The following UGP2 variants were observed in gnomAD, a reference collection of about 807,000 sequenced individuals.
UGP2 encodes the protein UTP--glucose-1-phosphate uridylyltransferase.
UGP2 carries 40 observed loss-of-function variants against 49.0 expected under a neutral mutation model. The ratio of observed to expected loss-of-function variants is 0.82; its 90% CI spans 0.63 to 1.06. The LOEUF (loss-of-function observed/expected upper bound fraction) is 1.06. UGP2 is among the 50% of genes least tolerant of loss of function. UGP2 has a pLI of 0.00. For missense variants in UGP2, 460 were observed against 603.5 expected (o/e 0.76, Z 2.49); for synonymous variants, 225 against 213.0 (o/e 1.06, Z -0.49).
chr2:63,857,261 A>G (rs1669504405), intron 2 of UGP2, among the ~76,000 whole-genome samples: 1 of 151,384 alleles, frequency 6.6e-6, no homozygotes, highest in South Asian at 2.1e-4. Context: ...AGATTGCGCC[A>G]CTACACTCTA....
chr2:63,847,590 A>G (rs1672018750), intron 1 of UGP2, among the ~76,000 whole-genome samples: 1 of 152,072 alleles, frequency 6.6e-6, no homozygotes, highest in Non-Finnish European at 1.5e-5. Context: ...GGGTGGGGCC[A>G]TTTTATAGGA....
intron 3 of UGP2, among the ~76,000 whole-genome samples, chr2:63,874,521 G>T (rs773942783): frequency 2.0e-5 from 3 of 152,180 alleles, no homozygotes; most frequent in African/African-American, 7.2e-5. Flanking sequence ...CAGGCAGAAA[G>T]AGGAGGAAAA....
chr2:63,887,684 A>G (rs765689418), intron 8 of UGP2, 40 bp downstream of exon 8: 19 of 1,603,596 alleles, frequency 1.2e-5, no homozygotes, highest in Non-Finnish European at 1.5e-5. Context: ...TATTTCTTAA[A>G]TGTGTAATTA....
At chr2:63,875,228 G>C (rs1670835759) in intron 3 of UGP2, among the ~76,000 whole-genome samples, 1 of 152,210 alleles carries the variant, frequency 6.6e-6, no homozygotes, top group Non-Finnish European at 1.5e-5. Context: ...TACATATGGA[G>C]TGGCATTCCT....
At chr2:63,883,535 A>G (rs1671449476) in intron 4 of UGP2, 1 of 154,574 alleles carries the variant, frequency 6.5e-6, no homozygotes, top group African/African-American at 2.4e-5. Context: ...TCACATTTAT[A>G]CTTTCATCCC....
intron 5 of UGP2, 31 bp from the exon 6 acceptor site, chr2:63,885,558 A>T: frequency 6.7e-7 from 1 of 1,500,720 alleles, no homozygotes. Flanking sequence ...TACAGGGTCA[A>T]TATTGAAAAA....
intron 2 of UGP2, 92 bp from the exon 3 acceptor site, chr2:63,857,737 G>A (rs148803917): frequency 1.1e-5 from 14 of 1,263,756 alleles, no homozygotes; most frequent in East Asian, 2.4e-5. Flanking sequence ...TTCATTTAAC[G>A]ATATTTTAAA....
Position 63,852,019 on chromosome 2 carries a change from G to C in UGP2, c.20-4287G>C, listed in dbSNP as rs1183723490. 2.6e-5 allele frequency among the ~76,000 whole-genome samples: 4 copies of C among 152,122 alleles called. No individual in the cohort carries two copies. The East Asian group carries it at 7.7e-4, about 29-fold the overall frequency. ...AGTGAGGAACACCTTTCTCCAAAGT[G>C]CTGTGACAGATTATACCCTTATGGC... On this transcript the variant is annotated intron_variant, in intron 1 of 9. Coordinates refer to ENST00000337130, the MANE Select transcript of UGP2 (RefSeq NM_006759.4).
chr2:63,848,449 C>T (rs1326321059), intron 1 of UGP2, among the ~76,000 whole-genome samples: 2 of 152,148 alleles, frequency 1.3e-5, no homozygotes, highest in African/African-American at 2.4e-5. Context: ...CCACAACCTC[C>T]GCCTCCCAGG....
intron 4 of UGP2, 119 bp downstream of exon 4, chr2:63,882,770 T>A: frequency 9.0e-7 from 1 of 1,112,020 alleles, no homozygotes; most frequent in Non-Finnish European, 1.2e-6. Context: ...CCTGCTATCT[T>A]TAATCTCTTT....
intron 1 of UGP2, among the ~76,000 whole-genome samples, chr2:63,843,790 C>G (rs914386186): frequency 2.6e-5 from 4 of 152,216 alleles, no homozygotes; most frequent in Non-Finnish European, 4.4e-5. Flanking sequence ...AGGTACATTA[C>G]TGTTAACTAA....
chr2:63,849,164 C>T (rs1668876970), intron 1 of UGP2, among the ~76,000 whole-genome samples: 1 of 152,170 alleles, frequency 6.6e-6, no homozygotes, highest in South Asian at 2.1e-4. Flanking sequence ...AAACAAAAAG[C>T]CATTAATTGT....
chr2:63,884,082 C>A lies in UGP2; in HGVS notation c.564C>A (p.Phe188Leu). ...ATTGTCGTGTGAAAATCTACACTTT[C>A]AATCAAAGCAGGTACAATGAGTAAA... ...YNHCRVKIYT[F>L]NQSRYPRINK... Residue 188 changes from phenylalanine to leucine, a missense_variant, in exon 5 of 10, where the codon TTC becomes TTA. Physicochemically the swap from Phe to Leu is conservative, Grantham distance 22. Coordinates refer to ENST00000337130, the MANE Select transcript of UGP2 (RefSeq NM_006759.4). 2 of 1,612,504 alleles carry A rather than the reference C, an allele frequency of 1.2e-6. No individual in the cohort carries two copies. The highest frequency in any genetic ancestry group is 1.7e-6 in the Non-Finnish European group (2 of 1,179,686).
chr2:63,875,926 C>G (rs187207676), intron 3 of UGP2, among the ~76,000 whole-genome samples: 81 of 152,260 alleles, frequency 5.3e-4, no homozygotes, highest in Non-Finnish European at 6.6e-4. Context: ...GTGATTCAGT[C>G]AGAGTAACAT....
intron 9 of UGP2, 145 bp from the exon 10 acceptor site, chr2:63,890,975 T>TA: frequency 1.8e-6 from 1 of 549,570 alleles, no homozygotes; most frequent in Non-Finnish European, 3.1e-6. Flanking sequence ...CCTTAACTGT[T>TA]ATTTGTTTTT....
chr2:63,842,797 G>A (rs2104227746), intron 1 of UGP2, among the ~76,000 whole-genome samples: 1 of 152,308 alleles, frequency 6.6e-6, no homozygotes, highest in South Asian at 2.1e-4. Flanking sequence ...ATGAAAAGAT[G>A]ATTAAGGTTC....
In UGP2 at chr2:63,887,678, T is replaced by C. The variant is rs755442423; in HGVS notation, c.1314+34T>C. 75 of 1,605,758 alleles carry C rather than the reference T, an allele frequency of 4.7e-5. No homozygotes were observed. The Middle Eastern group carries it at 2.0e-3, about 43-fold the overall frequency. ...CTATAAAGATATGTGAGTTCATATT[T>C]CTTAAATGTGTAATTATAAAGATAT... On this transcript the variant is annotated intron_variant, in intron 8 of 9. Coordinates refer to ENST00000337130, the MANE Select transcript of UGP2 (RefSeq NM_006759.4).
intron 1 of UGP2, chr2:63,842,731 C>T: frequency 1.2e-6 from 1 of 838,896 alleles, no homozygotes; most frequent in Non-Finnish European, 1.7e-6. Context: ...GAGGTCATTT[C>T]AGCTGGAGAA....
chr2:63,843,590 T>C, intron 1 of UGP2, among the ~76,000 whole-genome samples: 1 of 152,254 alleles, frequency 6.6e-6, no homozygotes, highest in East Asian at 1.9e-4. Flanking sequence ...TTGGCAAGCA[T>C]TGACTGATTT....
Sources: gnomAD v4.1 joint callset for allele counts (sites outside exome capture counted in the v4.1 genomes callset) on GRCh38, gnomAD v4.1.1 for gene constraint, MANE v1.5 for transcripts, NCBI Gene and HGNC (gene_info 2026-07-23, HGNC 2026-07-21) for gene names.